FARP2: variants seen among roughly 807,000 people sequenced by gnomAD.
The protein encoded by FARP2 is FERM, ARHGEF and pleckstrin domain-containing protein 2.
Under a neutral mutation model 130.5 loss-of-function variants are expected in FARP2, and 111 were observed. The ratio of observed to expected loss-of-function variants is 0.85; its 90% CI spans 0.73 to 1.00. The LOEUF (loss-of-function observed/expected upper bound fraction) is 1.00. Ranked by LOEUF, FARP2 falls within the 50% of genes least tolerant of loss-of-function variation. FARP2 has a pLI of 0.00. For synonymous variants in FARP2, 504 were observed against 516.9 expected (o/e 0.98, Z 0.34); for missense variants, 1,385 against 1,346.3 (o/e 1.03, Z -0.45).
Position 241,441,479 on chromosome 2 carries a change from G to T in FARP2, c.1334G>T (p.Arg445Leu), listed in dbSNP as rs761531007. Residue 445 changes from arginine to leucine, a missense_variant, in exon 13 of 27, where the codon CGC becomes CTC. Transcript: ENST00000264042. ...SYVKSPAAER[R>L]SGAVAGGPDT... ...GTCAAGAGTCCAGCTGCAGAGAGGC[G>T]CAGTGGAGCAGTGGCTGGAGGCCCC... 1.9e-6 allele frequency: 3 copies of T among 1,614,050 alleles called. No homozygotes were observed. Among genetic ancestry groups the T allele is most frequent in the Middle Eastern group, 1.6e-4 (1 of 6,084 alleles).
At chr2:241,493,759 G>C in intron 26 of FARP2, 1 of 465,170 alleles carries the variant, frequency 2.1e-6, no homozygotes, top group Non-Finnish European at 3.8e-6. Context: ...ACGCCGCCTG[G>C]CTAATTTTTG....
At chr2:241,382,290 C>CT (rs1553709361) in intron 2 of FARP2, among the ~76,000 whole-genome samples, 14 of 127,186 alleles carry the variant, frequency 1.1e-4, no homozygotes, top group South Asian at 5.3e-4. Flanking sequence ...TGTACAAAAT[C>CT]TATTTTTTTT....
At chr2:241,430,722 T>C (rs982267848) in intron 8 of FARP2, among the ~76,000 whole-genome samples, 7 of 152,130 alleles carry the variant, frequency 4.6e-5, no homozygotes, top group Non-Finnish European at 1.0e-4. Context: ...AAATTAAAAT[T>C]AGCCAGGCAC....
At chr2:241,397,986 T>C (rs1002644081) in intron 2 of FARP2, among the ~76,000 whole-genome samples, 21 of 151,650 alleles carry the variant, frequency 1.4e-4, no homozygotes, top group African/African-American at 4.1e-4. Context: ...CCTGCCACCA[T>C]GCCCGGCTAA....
chr2:241,449,613 TTTAA>T (rs1260838066), intron 13 of FARP2, among the ~76,000 whole-genome samples: 1 of 152,202 alleles, frequency 6.6e-6, no homozygotes, highest in Non-Finnish European at 1.5e-5. Context: ...AGCACAAAAG[TTTAA>T]TTAACATTGT....
chr2:241,382,646 T>C (rs1017674938), intron 2 of FARP2, among the ~76,000 whole-genome samples: 1 of 152,242 alleles, frequency 6.6e-6, no homozygotes, highest in African/African-American at 2.4e-5. Context: ...AAGTGGAGGT[T>C]CTTCATCAAA....
intron 2 of FARP2, among the ~76,000 whole-genome samples, chr2:241,402,166 A>G (rs1202918987): frequency 2.0e-5 from 3 of 152,224 alleles, no homozygotes; most frequent in East Asian, 1.9e-4. Context: ...TCTGTAGGAA[A>G]AAGTTCTAGA....
chr2:241,456,981 G>T, intron 14 of FARP2, 59 bp downstream of exon 14: 1 of 1,440,634 alleles, frequency 6.9e-7, no homozygotes, highest in African/African-American at 1.4e-5. Flanking sequence ...TGTTTTCACT[G>T]TTCCTTCGGG....
At chr2:241,375,642 A>C (rs2061518900) in intron 2 of FARP2, among the ~76,000 whole-genome samples, 1 of 152,252 alleles carries the variant, frequency 6.6e-6, no homozygotes, top group African/African-American at 2.4e-5. Flanking sequence ...TTTCAGTTAA[A>C]TATAACCGTC....
At chr2:241,371,914 C>A (rs1340021951) in intron 1 of FARP2, among the ~76,000 whole-genome samples, 1 of 151,826 alleles carries the variant, frequency 6.6e-6, no homozygotes, top group Admixed American at 6.6e-5. Context: ...TATTTAGTAC[C>A]TAATACTAGC....
chr2:241,456,790 G>A lies in FARP2; in HGVS notation c.1455G>A (p.Lys485=), dbSNP rs372990761. Residue 485 remains lysine (K), a synonymous_variant, in exon 14 of 27, where the codon AAG becomes AAA. Transcript: ENST00000264042. ...KSPQPSPSSR[K]SPLSLSPAFQ... ...CTCAGCCTTCTCCCTCCAGCCGGAA[G>A]AGCCCCCTGAGTCTGAGCCCTGCAT... The A allele has an allele frequency of 1.9e-6, 3 of 1,614,004 alleles. No homozygotes were observed. Among genetic ancestry groups the A allele is most frequent in the Non-Finnish European group, 2.5e-6 (3 of 1,180,030 alleles).
At chr2:241,409,280 C>T (rs147947103) in intron 5 of FARP2, among the ~76,000 whole-genome samples, 232 of 152,152 alleles carry the variant, frequency 1.5e-3, no homozygotes, top group African/African-American at 5.4e-3. Context: ...CCAGGTGCAA[C>T]GGCTCACACC....
chr2:241,436,670 C>A, intron 12 of FARP2, 132 bp downstream of exon 12: 1 of 797,004 alleles, frequency 1.3e-6, no homozygotes, highest in Non-Finnish European at 2.1e-6. Context: ...AATCCTGGGA[C>A]TCTGTTTTCA....
chr2:241,383,028 A>G (rs948386043), intron 2 of FARP2, among the ~76,000 whole-genome samples: 2 of 152,232 alleles, frequency 1.3e-5, no homozygotes, highest in African/African-American at 2.4e-5. Context: ...GAAAGTGATT[A>G]CTTATGGTGA....
intron 21 of FARP2, chr2:241,488,464 T>C (rs1022184295): frequency 4.7e-5 from 7 of 149,884 alleles, no homozygotes; most frequent in African/African-American, 1.5e-4. Flanking sequence ...TGTCCCAGGC[T>C]GGAGTGCCCA....
At chr2:241,450,522 T>C (rs1302716081) in intron 13 of FARP2, among the ~76,000 whole-genome samples, 2 of 151,190 alleles carry the variant, frequency 1.3e-5, no homozygotes, top group Non-Finnish European at 2.9e-5. Context: ...GAAAATTAGC[T>C]GGGTATGGTG....
intron 17 of FARP2, chr2:241,465,491 G>T (rs192565198): frequency 1.3e-6 from 2 of 1,550,446 alleles, no homozygotes. Context: ...CATGTAGCAG[G>T]GGTCACAAAA....
intron 8 of FARP2, among the ~76,000 whole-genome samples, chr2:241,419,210 T>G (rs554032580): frequency 6.6e-6 from 1 of 152,354 alleles, no homozygotes; most frequent in South Asian, 2.1e-4. Flanking sequence ...TAGAGTATTA[T>G]GTTACATTTC....
In FARP2 at chr2:241,441,561, C is replaced by T. The variant is rs114094334; in HGVS notation, c.1411+5C>T. The T allele has an allele frequency of 1.0e-3, 1,611 of 1,613,928 alleles. 10 individuals carry two copies. The African/African-American group carries it at 0.017, about 18-fold the overall frequency. ...CCGCACTCCAGCCTGGTCCAGGTGT[C>T]GGGTTTTGTCATGTCGTGAGCAGCT... On this transcript the variant is annotated splice_donor_5th_base_variant and intron_variant, in intron 13 of 26. Transcript: ENST00000264042.
Sources: allele counts gnomAD v4.1 joint callset (sites outside exome capture counted in the v4.1 genomes callset), GRCh38; gene constraint gnomAD v4.1.1; transcripts MANE v1.5; gene names NCBI Gene and HGNC (gene_info 2026-07-23, HGNC 2026-07-21).